The following DNAJC1 variants were observed in gnomAD, a reference collection of about 807,000 sequenced individuals.
The protein encoded by DNAJC1 is DnaJ heat shock protein family (Hsp40) member C1, also known as dnaJ homolog subfamily C member 1.
A neutral mutation model predicts 76.6 loss-of-function variants in DNAJC1; 58 were observed. The observed-to-expected ratio is 0.76, with a 90% CI of 0.61 to 0.94. The LOEUF is 0.94. Ranked by LOEUF, DNAJC1 falls within the 40% of genes least tolerant of loss-of-function variation. The probability of loss-of-function intolerance (pLI) is 0.00; values close to 1 mark genes in which losing one functional copy is unlikely to be tolerated. For missense variants in DNAJC1, 689 were observed against 677.3 expected (o/e 1.02, Z -0.19); for synonymous variants, 258 against 267.9 (o/e 0.96, Z 0.36).
At chr10:21,903,815 G>T (rs969328733) in intron 7 of DNAJC1, among the ~76,000 whole-genome samples, 1 of 152,034 alleles carries the variant, frequency 6.6e-6, no homozygotes, top group African/African-American at 2.4e-5. Flanking sequence ...TACTGGGGGT[G>T]GGGGGTTGGA....
intron 8 of DNAJC1, among the ~76,000 whole-genome samples, chr10:21,825,691 T>C (rs933869890): frequency 2.0e-5 from 3 of 152,222 alleles, no homozygotes; most frequent in Non-Finnish European, 4.4e-5. Context: ...CACATTTCTT[T>C]TTTTCTGTTG....
At chr10:21,860,734 CAAAA>C (rs1835906928) in intron 8 of DNAJC1, 1 of 134,656 alleles carries the variant, frequency 7.4e-6, no homozygotes, top group African/African-American at 3.1e-5. Flanking sequence ...AACAAACAAA[CAAAA>C]CGTACCTAGA....
At chr10:21,824,881 C>T (rs1452090237) in intron 8 of DNAJC1, among the ~76,000 whole-genome samples, 2 of 152,146 alleles carry the variant, frequency 1.3e-5, no homozygotes, top group Non-Finnish European at 2.9e-5. Context: ...TCAAGTGATT[C>T]TCCTGCCTCA....
chr10:21,966,716 A>G (rs1366759079), intron 1 of DNAJC1, among the ~76,000 whole-genome samples: 2 of 137,990 alleles, frequency 1.4e-5, no homozygotes, highest in Non-Finnish European at 3.1e-5. Context: ...GTGGAGTTTT[A>G]CACTTGTTGC....
At chr10:21,825,806 T>G (rs1433357459) in intron 8 of DNAJC1, among the ~76,000 whole-genome samples, 1 of 152,258 alleles carries the variant, frequency 6.6e-6, no homozygotes. Context: ...ATGTGACTAC[T>G]GAACATGAGT....
intron 1 of DNAJC1, among the ~76,000 whole-genome samples, chr10:21,990,117 C>T (rs1373033511): frequency 6.6e-6 from 1 of 152,194 alleles, no homozygotes; most frequent in Non-Finnish European, 1.5e-5. Flanking sequence ...TTTCTGGCTA[C>T]ATTTTTAATT....
chr10:21,797,306 T>C (rs896596181), intron 9 of DNAJC1, among the ~76,000 whole-genome samples: 1 of 152,178 alleles, frequency 6.6e-6, no homozygotes, highest in Non-Finnish European at 1.5e-5. Context: ...TTGGTCTATG[T>C]GTCTGTCTTT....
At position 21,837,181 on chromosome 10, in the gene DNAJC1, G is replaced by A. The variant is rs1044196237; in HGVS notation, c.979-31082C>T. 1.1e-4 allele frequency among the ~76,000 whole-genome samples: 17 copies of A among 152,300 alleles called. No individual in the cohort carries two copies. In the South Asian group the frequency reaches 1.9e-3, roughly 17 times the overall value. ...GCCAGCCTCGGCCTCCCGAGGTGCC[G>A]GGATTGCAGACGGAGTCTCGTTCAC... On this transcript the variant is annotated intron_variant, in intron 8 of 11. Coordinates refer to ENST00000376980, the MANE Select transcript of DNAJC1 (RefSeq NM_022365.4).
At chr10:21,980,890 G>A (rs1838144587) in intron 1 of DNAJC1, among the ~76,000 whole-genome samples, 1 of 151,372 alleles carries the variant, frequency 6.6e-6, no homozygotes, top group Admixed American at 6.6e-5. Flanking sequence ...CTTCTTTTTG[G>A]GCAAGATTCC....
chr10:21,972,297 G>A (rs1837993241), intron 1 of DNAJC1, among the ~76,000 whole-genome samples: 1 of 151,870 alleles, frequency 6.6e-6, no homozygotes, highest in South Asian at 2.1e-4. Context: ...ACCAGCATGA[G>A]TCCACAGACC....
intron 7 of DNAJC1, among the ~76,000 whole-genome samples, chr10:21,896,714 GAGA>G (rs1298618273): frequency 5.9e-5 from 9 of 151,944 alleles, no homozygotes; most frequent in African/African-American, 2.2e-4. Flanking sequence ...TTTTGTATGT[GAGA>G]AGGATATAAA....
chr10:21,888,345 AAAGCAGAACTACTATTT>A (rs1340104569), intron 7 of DNAJC1, among the ~76,000 whole-genome samples: 3 of 152,180 alleles, frequency 2.0e-5, no homozygotes, highest in African/African-American at 7.2e-5. Flanking sequence ...CAAAGAGCTA[AAAGCAGAACTACTATTT>A]AACCTAGCAA....
chr10:21,851,065 A>C (rs537543126), intron 8 of DNAJC1, among the ~76,000 whole-genome samples: 65 of 152,338 alleles, frequency 4.3e-4, no homozygotes, highest in Admixed American at 4.6e-4. Flanking sequence ...TTCATAGAAG[A>C]AAGCATAGGG....
At position 22,003,594 on chromosome 10, in the gene DNAJC1, G is replaced by T. The variant is rs1838564780; in HGVS notation, c.-160C>A. On this transcript the variant is annotated 5_prime_UTR_variant, in exon 1 of 12. Coordinates refer to ENST00000376980, the MANE Select transcript of DNAJC1 (RefSeq NM_022365.4). ...GGTGGCTGGCCCCAGACAGAGCGCG[G>T]AGGCGGCGGGAGCCGGCTGCCGGAC... 8 of 879,956 alleles carry T rather than the reference G, an allele frequency of 9.1e-6. No homozygotes were observed. In the South Asian group the frequency reaches 3.7e-4, roughly 41 times the overall value. The allele number at this position is 879,956 out of a possible 1,614,324, so 54.5% of individuals were successfully genotyped here.
chr10:21,789,652 C>A (rs939637119), intron 9 of DNAJC1, among the ~76,000 whole-genome samples: 3 of 151,846 alleles, frequency 2.0e-5, no homozygotes, highest in African/African-American at 7.3e-5. Context: ...AGAAATTCAA[C>A]GGAGATAAAT....
chr10:21,975,486 T>C (rs1011310931), intron 1 of DNAJC1, among the ~76,000 whole-genome samples: 29 of 152,232 alleles, frequency 1.9e-4, no homozygotes, highest in African/African-American at 6.3e-4. Context: ...CCATTCCTCA[T>C]TGGTGGTTCA....
chr10:21,756,891 TGGAGTCCA>T (rs1374347054), intron 11 of DNAJC1, 136 bp from the exon 12 acceptor site: 4 of 739,200 alleles, frequency 5.4e-6, no homozygotes, highest in Non-Finnish European at 9.0e-6. Flanking sequence ...CGGGATGTCC[TGGAGTCCA>T]GTCGCTCACA....
At chr10:21,885,843 G>A (rs548256359) in intron 7 of DNAJC1, among the ~76,000 whole-genome samples, 1 of 152,254 alleles carries the variant, frequency 6.6e-6, no homozygotes, top group East Asian at 1.9e-4. Context: ...GCAGTGTTAA[G>A]AGGGAAATTC....
intron 1 of DNAJC1, among the ~76,000 whole-genome samples, chr10:21,952,106 T>C (rs1564836635): frequency 6.6e-6 from 1 of 152,178 alleles, no homozygotes; most frequent in Non-Finnish European, 1.5e-5. Flanking sequence ...TATTGTTAAG[T>C]GTAATTATAA....
Sources: gnomAD v4.1 joint callset for allele counts (sites outside exome capture counted in the v4.1 genomes callset) on GRCh38, gnomAD v4.1.1 for gene constraint, MANE v1.5 for transcripts, NCBI Gene and HGNC (gene_info 2026-07-23, HGNC 2026-07-21) for gene names.